Variants in ASAP1 observed in about 807,000 individuals in gnomAD.
ASAP1 encodes the protein arf-GAP with SH3 domain, ANK repeat and PH domain-containing protein 1.
In ASAP1, 43 loss-of-function variants were observed where a neutral mutation model predicts 145.2. The ratio of observed to expected loss-of-function variants is 0.30; its 90% CI spans 0.23 to 0.38. ASAP1 has a LOEUF of 0.38. Among genes scored for constraint, ASAP1 ranks in the 10% least tolerant of loss-of-function variants. ASAP1 has a pLI of 1.00. For missense variants in ASAP1, 1,018 were observed against 1,355.3 expected (o/e 0.75, Z 3.91); for synonymous variants, 546 against 515.5 (o/e 1.06, Z -0.80).
At chr8:130,397,713 T>C (rs564521869) in intron 2 of ASAP1, among the ~76,000 whole-genome samples, 7 of 152,358 alleles carry the variant, frequency 4.6e-5, no homozygotes, top group African/African-American at 1.4e-4. Flanking sequence ...GTGGGAACTT[T>C]TCCCCCATCA....
chr8:130,242,317 A>G (rs2136733058), intron 3 of ASAP1, among the ~76,000 whole-genome samples: 1 of 151,632 alleles, frequency 6.6e-6, no homozygotes, highest in South Asian at 2.1e-4. Context: ...ACTTGGAAAA[A>G]AAAAGGGCTT....
At chr8:130,424,102 T>A (rs1266273184) in intron 1 of ASAP1, among the ~76,000 whole-genome samples, 1 of 152,166 alleles carries the variant, frequency 6.6e-6, no homozygotes, top group Non-Finnish European at 1.5e-5. Context: ...TACAAAAATA[T>A]AATTTAAAAT....
intron 25 of ASAP1, among the ~76,000 whole-genome samples, chr8:130,081,335 G>A (rs2097479927): frequency 6.6e-6 from 1 of 152,180 alleles, no homozygotes. Context: ...GCAGAGTGCA[G>A]GGCAGTTGTG....
chr8:130,362,317 G>A (rs1826756053), intron 2 of ASAP1, among the ~76,000 whole-genome samples: 2 of 152,174 alleles, frequency 1.3e-5, no homozygotes, highest in Admixed American at 1.3e-4. Context: ...GTTAGCCAGC[G>A]ACAGCATTCA....
At chr8:130,131,153 AAAAC>A (rs149995760) in intron 15 of ASAP1, among the ~76,000 whole-genome samples, 27,997 of 149,190 alleles carry the variant, frequency 0.19, 3,139 homozygotes, top group East Asian at 0.47. Context: ...CAAGACTCTG[AAAAC>A]AAACAAACAA....
intron 12 of ASAP1, among the ~76,000 whole-genome samples, chr8:130,157,681 T>C (rs964538405): frequency 2.6e-5 from 4 of 152,206 alleles, no homozygotes; most frequent in Admixed American, 6.5e-5. Flanking sequence ...TCTAGCTACA[T>C]TGAACTCTCA....
intron 23 of ASAP1, among the ~76,000 whole-genome samples, chr8:130,113,032 C>T (rs2097549267): frequency 6.6e-6 from 1 of 152,204 alleles, no homozygotes; most frequent in African/African-American, 2.4e-5. Flanking sequence ...GCAGCTCTAG[C>T]CTCCAGAATG....
At chr8:130,170,094 G>A (rs1050047153) in intron 9 of ASAP1, among the ~76,000 whole-genome samples, 3 of 152,080 alleles carry the variant, frequency 2.0e-5, no homozygotes, top group African/African-American at 2.4e-5. Flanking sequence ...TACAAACAAC[G>A]AGGACCTTGA....
chr8:130,377,452 A>G (rs1331459399), intron 2 of ASAP1, among the ~76,000 whole-genome samples: 1 of 152,218 alleles, frequency 6.6e-6, no homozygotes, highest in Non-Finnish European at 1.5e-5. Flanking sequence ...ACTGAAGATC[A>G]GTCCCTTGTT....
chr8:130,259,643 T>C lies in ASAP1; in HGVS notation c.187-22649A>G, dbSNP rs376437320. Among the ~76,000 whole-genome samples, 187 of 152,354 alleles carry C rather than the reference T, an allele frequency of 1.2e-3. 3 individuals carry two copies. Among genetic ancestry groups the C allele is most frequent in the African/African-American group, 4.4e-3 (181 of 41,586 alleles). On this transcript the variant is annotated intron_variant, in intron 3 of 29. Coordinates refer to ENST00000518721, the MANE Select transcript of ASAP1 (RefSeq NM_018482.4). ...AACCCAACCTAATGAACCATCATTATCTTGTCATGCTAGCTGACTAATTAG... is the reference window on the plus strand; with the variant it reads ...AACCCAACCTAATGAACCATCATTACCTTGTCATGCTAGCTGACTAATTAG...
intron 2 of ASAP1, among the ~76,000 whole-genome samples, chr8:130,400,727 C>T (rs538497406): frequency 1.1e-4 from 17 of 147,972 alleles, no homozygotes; most frequent in Non-Finnish European, 2.4e-4. Flanking sequence ...GGAGGCGGAG[C>T]TTGCAGTGAG....
At chr8:130,359,551 C>G (rs1162232159) in intron 2 of ASAP1, among the ~76,000 whole-genome samples, 1 of 151,864 alleles carries the variant, frequency 6.6e-6, no homozygotes, top group Non-Finnish European at 1.5e-5. Flanking sequence ...TGAGCCTGTC[C>G]TCTGCGACAC....
At chr8:130,155,484 G>A (rs903906677) in intron 12 of ASAP1, among the ~76,000 whole-genome samples, 3 of 152,066 alleles carry the variant, frequency 2.0e-5, no homozygotes, top group East Asian at 1.9e-4. Flanking sequence ...CTCCCACCTC[G>A]GCCTCCTGAG....
intron 3 of ASAP1, among the ~76,000 whole-genome samples, chr8:130,262,729 G>A (rs535062052): frequency 4.3e-4 from 66 of 152,164 alleles, no homozygotes; most frequent in African/African-American, 1.3e-3. Flanking sequence ...AGCTCTAAGA[G>A]AGCAGACCTC....
intron 5 of ASAP1, among the ~76,000 whole-genome samples, chr8:130,195,971 TAGA>T (rs1815457432): frequency 6.6e-6 from 1 of 152,252 alleles, no homozygotes; most frequent in Non-Finnish European, 1.5e-5. Flanking sequence ...CTTTCTTCAC[TAGA>T]AGGTTTGCTT....
chr8:130,076,019 C>T (rs2097461523), intron 27 of ASAP1, among the ~76,000 whole-genome samples: 1 of 152,216 alleles, frequency 6.6e-6, no homozygotes, highest in Non-Finnish European at 1.5e-5. Context: ...GGCCACACAG[C>T]TACTAAGTGG....
chr8:130,266,944 A>C lies in ASAP1; in HGVS notation c.187-29950T>G, dbSNP rs1820282273. ...TTAAAATGAAGCACAGAGAAAGAAA[A>C]AGTAGGATAATAAGTGAGGATAAGA... On this transcript the variant is annotated intron_variant, in intron 3 of 29. Transcript: ENST00000518721. 3.3e-5 allele frequency among the ~76,000 whole-genome samples: 5 copies of C among 152,142 alleles called. 1 individual carries two copies. In the South Asian group the frequency reaches 1.0e-3, roughly 32 times the overall value.
intron 12 of ASAP1, among the ~76,000 whole-genome samples, chr8:130,155,251 AAC>A (rs1197785612): frequency 6.6e-6 from 1 of 152,216 alleles, no homozygotes; most frequent in African/African-American, 2.4e-5. Flanking sequence ...CAAGGAAAGT[AAC>A]ACAGAAGCAT....
intron 3 of ASAP1, among the ~76,000 whole-genome samples, chr8:130,333,311 G>C (rs1001593930): frequency 5.3e-5 from 8 of 152,174 alleles, no homozygotes; most frequent in African/African-American, 1.9e-4. Context: ...ATAGTAAAAA[G>C]GCATGGCTGG....
Sources: gnomAD v4.1 joint callset for allele counts (sites outside exome capture counted in the v4.1 genomes callset) on GRCh38, gnomAD v4.1.1 for gene constraint, MANE v1.5 for transcripts, NCBI Gene and HGNC (gene_info 2026-07-23, HGNC 2026-07-21) for gene names.